MYPN: variants seen among roughly 807,000 people sequenced by gnomAD.
The protein encoded by MYPN is sarcomeric protein myopalladin, 145 kDa (MYOP).
In MYPN, 63 loss-of-function variants were observed where a neutral mutation model predicts 129.4. That is an observed-to-expected ratio of 0.49 (90% CI 0.40 to 0.60). MYPN has a LOEUF of 0.60. Among genes scored for constraint, MYPN ranks in the 20% least tolerant of loss-of-function variants. The pLI, the probability that MYPN is intolerant of heterozygous loss-of-function variation, is 0.00. For missense variants in MYPN, 1,596 were observed against 1,635.4 expected, an observed-to-expected ratio of 0.98 and a Z score of 0.42; for synonymous variants, 629 against 600.9, an observed-to-expected ratio of 1.05 and a Z score of -0.68.
chr10:68,164,284 C>A (rs1398672139), intron 8 of MYPN, among the ~76,000 whole-genome samples: 1 of 152,164 alleles, frequency 6.6e-6, no homozygotes, highest in African/African-American at 2.4e-5. Context: ...AGAGCAAATG[C>A]GCAAGAGAAG....
At chr10:68,127,229 T>C (rs953925522) in intron 2 of MYPN, among the ~76,000 whole-genome samples, 48 of 151,522 alleles carry the variant, frequency 3.2e-4, no homozygotes, top group African/African-American at 9.9e-4. Flanking sequence ...GATCTTGAAC[T>C]CCTGACCTCA....
intron 12 of MYPN, among the ~76,000 whole-genome samples, chr10:68,185,716 T>G (rs2043409821): frequency 1.3e-5 from 2 of 152,198 alleles, no homozygotes; most frequent in South Asian, 4.1e-4. Context: ...GGGAATAAAA[T>G]GATTTATTGG....
chr10:68,175,388 G>A lies in MYPN; in HGVS notation c.2630G>A (p.Arg877His), dbSNP rs371221569. ...CAACCAGTGAATGATGATAACATTC[G>A]TGAAACTAAGAACGCAGTGATTCGA... is the stretch of plus-strand genomic sequence containing the variant. Reference protein sequence around the residue: ...SPQPVNDDNIRETKNAVIRDL... With the variant: ...SPQPVNDDNIHETKNAVIRDL... The change falls in exon 12 of 20, where the codon CGT (arginine) becomes CAT (histidine). Residue 877 changes from arginine (R) to histidine (H), a missense_variant. Arg to His is a conservative substitution (Grantham distance 29, BLOSUM62 0). Transcript: ENST00000358913. The A allele has an allele frequency of 2.0e-5, 32 of 1,614,004 alleles. No homozygotes were observed. Among genetic ancestry groups the A allele is most frequent in the African/African-American group, 1.5e-4 (11 of 75,034 alleles).
chr10:68,196,510 G>GAC, intron 15 of MYPN, among the ~76,000 whole-genome samples: 1 of 66,804 alleles, frequency 1.5e-5, no homozygotes, highest in African/African-American at 3.8e-5. Flanking sequence ...TGAGATGGGG[G>GAC]TCTCACTCTG....
chr10:68,145,622 G>T, intron 4 of MYPN, 96 bp downstream of exon 4: 1 of 1,044,162 alleles, frequency 9.6e-7, no homozygotes, highest in South Asian at 1.3e-5. Context: ...TAAGAAGGGT[G>T]GCTCCAGGGT....
At chr10:68,180,449 G>A (rs2043297093) in intron 12 of MYPN, among the ~76,000 whole-genome samples, 1 of 152,226 alleles carries the variant, frequency 6.6e-6, no homozygotes, top group Non-Finnish European at 1.5e-5. Flanking sequence ...GCCTCCCAAA[G>A]TGCTAGGATT....
At chr10:68,182,358 AAC>A (rs201494932) in intron 12 of MYPN, among the ~76,000 whole-genome samples, 1 of 96,378 alleles carries the variant, frequency 1.0e-5, no homozygotes, top group African/African-American at 3.3e-5. Flanking sequence ...ACATATATAT[AAC>A]ACATATATAT....
intron 13 of MYPN, among the ~76,000 whole-genome samples, chr10:68,192,645 C>G (rs548714703): frequency 9.9e-5 from 15 of 152,196 alleles, no homozygotes; most frequent in African/African-American, 3.4e-4. Context: ...AGGCCCTGGG[C>G]TTTTCTTGGA....
chr10:68,182,500 A>ACACG (rs2043352814), intron 12 of MYPN, among the ~76,000 whole-genome samples: 1 of 137,158 alleles, frequency 7.3e-6, no homozygotes, highest in African/African-American at 2.6e-5. Flanking sequence ...ACACACACAT[A>ACACG]TATATATATG....
At chr10:68,199,877 A>AT (rs1349409790) in intron 17 of MYPN, among the ~76,000 whole-genome samples, 1 of 152,160 alleles carries the variant, frequency 6.6e-6, no homozygotes, top group Non-Finnish European at 1.5e-5. Context: ...ACAGTCCATC[A>AT]TTCCTGGAAC....
chr10:68,168,991 TAAAAAAAAAAAAAAAA>T (rs71009012), intron 10 of MYPN, among the ~76,000 whole-genome samples: 22,080 of 80,540 alleles, frequency 0.27, 2,446 homozygotes, highest in Middle Eastern at 0.46. Flanking sequence ...GATTATTTCT[TAAAAAAAAAAAAAAAA>T]AAAAAAAAAA....
chr10:68,136,105 T>C (rs1054409785), intron 2 of MYPN: 7 of 381,472 alleles, frequency 1.8e-5, no homozygotes, highest in African/African-American at 1.5e-4. Context: ...CCAAGCCATA[T>C]TTTAGAATAA....
At chr10:68,147,241 G>C (rs1024814274) in intron 4 of MYPN, among the ~76,000 whole-genome samples, 5 of 152,110 alleles carry the variant, frequency 3.3e-5, no homozygotes, top group Middle Eastern at 3.2e-3. Context: ...TGCAACCTCT[G>C]CCACCCAGGT....
At chr10:68,154,289 C>T (rs1015511416) in intron 6 of MYPN, among the ~76,000 whole-genome samples, 3 of 152,210 alleles carry the variant, frequency 2.0e-5, no homozygotes, top group African/African-American at 7.2e-5. Flanking sequence ...ATCACTGCTC[C>T]CACCCCAGCA....
chr10:68,196,421 A>G (rs1427180049), intron 15 of MYPN, among the ~76,000 whole-genome samples: 1 of 152,102 alleles, frequency 6.6e-6, no homozygotes, highest in East Asian at 1.9e-4. Context: ...CAAAGGAACA[A>G]AAATAGTGAC....
intron 12 of MYPN, among the ~76,000 whole-genome samples, chr10:68,185,027 G>A (rs1261527155): frequency 2.6e-5 from 4 of 152,134 alleles, no homozygotes; most frequent in South Asian, 4.2e-4. Flanking sequence ...TGGGACTTCC[G>A]GCCGGGCGTG....
rs71535772 is a variant in MYPN, at chr10:68,206,535, C to T, written c.3660-235C>T. Among the ~76,000 whole-genome samples, 39 of 152,144 alleles carry T rather than the reference C, an allele frequency of 2.6e-4. 3 individuals carry two copies. In the South Asian group the frequency reaches 7.5e-3, roughly 29 times the overall value. ...AATTGGGGGTTCTGCTGGTGGGGAG[C>T]GCAACTTCAGTGGACTTGCAGCAGT... On this transcript the variant is annotated intron_variant, in intron 18 of 19. Transcript: ENST00000358913.
At position 68,121,826 on chromosome 10, in the gene MYPN, G is replaced by T; in HGVS notation, c.388G>T (p.Glu130Ter). The change falls in exon 2 of 20, where the codon GAA (glutamate) becomes TAA (stop). Residue 130 changes from glutamate to a stop codon, truncating the protein, a stop_gained. Coordinates refer to ENST00000358913, the MANE Select transcript of MYPN (RefSeq NM_032578.4). LOFTEE classifies it high-confidence loss of function. ...CCCTCGAAGTCCCACCAGCTCTAAAGAAAGCCCCCAGGAGGCAAAAAGGCC... is the reference window on the plus strand; with the variant it reads ...CCCTCGAAGTCCCACCAGCTCTAAATAAAGCCCCCAGGAGGCAAAAAGGCC... ...DNPRSPTSSK[E>*]SPQEAKRPQY... The T allele has an allele frequency of 1.2e-6, 2 of 1,614,128 alleles. No individual in the cohort carries two copies. The highest frequency in any genetic ancestry group is 1.7e-6 in the Non-Finnish European group (2 of 1,180,028).
intron 2 of MYPN, among the ~76,000 whole-genome samples, chr10:68,134,879 A>G (rs1232591133): frequency 6.6e-6 from 1 of 152,106 alleles, no homozygotes; most frequent in African/African-American, 2.4e-5. Flanking sequence ...ATTAGCCACT[A>G]CCTACTTATG....
Sources: gnomAD v4.1 joint callset for allele counts (sites outside exome capture counted in the v4.1 genomes callset) on GRCh38, gnomAD v4.1.1 for gene constraint, MANE v1.5 for transcripts, NCBI Gene and HGNC (gene_info 2026-07-23, HGNC 2026-07-21) for gene names.